Variants in GALNT18 observed in about 807,000 individuals in gnomAD.
GALNT18 encodes GalNAc-transferase 18.
Under a neutral mutation model 69.5 loss-of-function variants are expected in GALNT18, and 44 were observed. The observed-to-expected ratio is 0.63, with a 90% CI of 0.50 to 0.81. The LOEUF (loss-of-function observed/expected upper bound fraction) is 0.81. GALNT18 is among the 40% of genes least tolerant of loss of function. The probability of loss-of-function intolerance (pLI) is 0.00; values close to 1 mark genes in which losing one functional copy is unlikely to be tolerated. For synonymous variants in GALNT18, 364 were observed against 318.2 expected (o/e 1.14, Z -1.53); for missense variants, 715 against 810.0 (o/e 0.88, Z 1.42).
rs878934200 is a variant in GALNT18, at chr11:11,353,242, C to T, written c.1093-12238G>A. 69 of 1,250,370 alleles carry T rather than the reference C, an allele frequency of 5.5e-5. 2 individuals carry two copies. The South Asian group carries it at 6.3e-4, about 12-fold the overall frequency. 77.5% of individuals were successfully genotyped at this position (1,250,370 alleles called of 1,614,324 possible). On this transcript the variant is annotated intron_variant, in intron 6 of 10. Transcript: ENST00000227756. ...TGTTTTCTTCACACTGTGGTGGAAGCGGCAGCGGCTGTGGCCGCTCTCCCT... is the reference window on the plus strand; with the variant it reads ...TGTTTTCTTCACACTGTGGTGGAAGTGGCAGCGGCTGTGGCCGCTCTCCCT...
chr11:11,374,091 C>T (rs1031799042), intron 5 of GALNT18, among the ~76,000 whole-genome samples: 2 of 152,176 alleles, frequency 1.3e-5, no homozygotes, highest in Non-Finnish European at 2.9e-5. Flanking sequence ...CAAATCACTG[C>T]ATTTTATTCT....
chr11:11,514,922 C>T (rs973019533), intron 1 of GALNT18, among the ~76,000 whole-genome samples: 1 of 152,100 alleles, frequency 6.6e-6, no homozygotes, highest in African/African-American at 2.4e-5. Flanking sequence ...AAAAGTGGAC[C>T]GAAACCAAGA....
Position 11,458,754 on chromosome 11 carries a change from C to T in GALNT18, c.236-9818G>A, listed in dbSNP as rs1013909142. Among the ~76,000 whole-genome samples, 10 of 152,234 alleles carry T rather than the reference C, an allele frequency of 6.6e-5. No homozygotes were observed. The South Asian group carries it at 1.0e-3, about 16-fold the overall frequency. ...GCCTTCAGCTTGCCATCTGCTGTGT[C>T]GCCTTCACGGCCTGTGGGCCTGACC... On this transcript the variant is annotated intron_variant, in intron 1 of 10. Coordinates refer to ENST00000227756, the MANE Select transcript of GALNT18 (RefSeq NM_198516.3).
rs565983505 is a variant in GALNT18 at position 11,426,487 on chromosome 11, A to G, written c.595+6134T>C. Among the ~76,000 whole-genome samples, 98 of 152,356 alleles carry G rather than the reference A, an allele frequency of 6.4e-4. 1 individual carries two copies. Among genetic ancestry groups the G allele is most frequent in the Non-Finnish European group, 1.3e-3 (87 of 68,036 alleles). On this transcript the variant is annotated intron_variant, in intron 3 of 10. Transcript: ENST00000227756. Reference sequence around the variant, plus strand: ...GTTTCAGGCCTTGCCCCAGATCTACAGATTCAAAATTCTTTCATTAAATCC... The same window carrying G: ...GTTTCAGGCCTTGCCCCAGATCTACGGATTCAAAATTCTTTCATTAAATCC...
Position 11,279,745 on chromosome 11 carries a change from C to G in GALNT18, c.1678-8455G>C, listed in dbSNP as rs1045487977. Among the ~76,000 whole-genome samples the G allele has an allele frequency of 4.6e-5, 7 of 152,088 alleles. No homozygotes were observed. In the South Asian group the frequency reaches 1.0e-3, roughly 23 times the overall value. On this transcript the variant is annotated intron_variant, in intron 10 of 10. Transcript: ENST00000227756. ...GGTGGTCAGCTCTGGGAAGAAGGGACTGGGAAGGTGATGGGCAGGAAATCA... is the reference window on the plus strand; with the variant it reads ...GGTGGTCAGCTCTGGGAAGAAGGGAGTGGGAAGGTGATGGGCAGGAAATCA...
intron 1 of GALNT18, among the ~76,000 whole-genome samples, chr11:11,512,040 T>C (rs563217932): frequency 6.6e-6 from 1 of 152,356 alleles, no homozygotes; most frequent in African/African-American, 2.4e-5. Context: ...CATGTATACA[T>C]ATACATACAC....
In GALNT18 at chr11:11,454,115, C is replaced by A. The variant is rs1855870101; in HGVS notation, c.236-5179G>T. Among the ~76,000 whole-genome samples the A allele has an allele frequency of 1.3e-5, 2 of 152,128 alleles. No homozygotes were observed. The highest frequency in any genetic ancestry group is 4.1e-4 in the South Asian group (2 of 4,830). ...GAAAACTCCCTGCCTACTAGAGATT[C>A]CCCAAATCTTTCAGAGGGAGTAGAA... On this transcript the variant is annotated intron_variant, in intron 1 of 10. Transcript: ENST00000227756. This position sits in a 1 kb window ranked among gnomAD's most constrained non-coding sequence, Gnocchi z 4.2.
At chr11:11,376,926 T>C (rs866239027) in intron 5 of GALNT18, among the ~76,000 whole-genome samples, 13 of 152,184 alleles carry the variant, frequency 8.5e-5, no homozygotes, top group African/African-American at 2.9e-4. Context: ...ATCCCCAACC[T>C]GGAGCACAGT....
rs1206038267 is a variant in GALNT18 at position 11,594,816 on chromosome 11, CATATATATAT to C, written c.235+26533_235+26542del. ...GATATGTGTTTTCAATTATCTTGGG[CATATATATAT>C]ATATATATATATATACACATATACA... On this transcript the variant is annotated intron_variant, in intron 1 of 10. Transcript: ENST00000227756. Among the ~76,000 whole-genome samples, 1,169 of 121,522 alleles carry C rather than the reference CATATATATAT, an allele frequency of 9.6e-3. 20 individuals carry two copies. Among genetic ancestry groups the C allele is most frequent in the African/African-American group, 0.033 (1,107 of 33,378 alleles). 79.7% of individuals were successfully genotyped at this position (121,522 alleles called of 152,430 possible).
rs539979836 is a variant in GALNT18 at position 11,487,362 on chromosome 11, GA to G, written c.236-38427del. 2.0e-5 allele frequency among the ~76,000 whole-genome samples: 3 copies of G among 152,030 alleles called. No individual in the cohort carries two copies. The South Asian group carries it at 6.2e-4, about 32-fold the overall frequency. On this transcript the variant is annotated intron_variant, in intron 1 of 10. Transcript: ENST00000227756. The stretch of plus-strand genomic sequence containing the variant: ...CAAAACCTCGCAAATCACTATTAAA[GA>G]ACTTACTCATGTAACCAAATACCAC...
intron 1 of GALNT18, among the ~76,000 whole-genome samples, chr11:11,599,658 CAT>C (rs1462220739): frequency 1.3e-5 from 2 of 151,338 alleles, no homozygotes; most frequent in African/African-American, 4.9e-5. Flanking sequence ...TTCTATATCT[CAT>C]ATATTTTTTG....
At chr11:11,325,494 C>G (rs920111986) in intron 9 of GALNT18, among the ~76,000 whole-genome samples, 2 of 151,846 alleles carry the variant, frequency 1.3e-5, no homozygotes, top group Non-Finnish European at 2.9e-5. Context: ...AACCAAAAAC[C>G]ACCTGAATCT....
At chr11:11,524,471 A>G (rs1029370262) in intron 1 of GALNT18, among the ~76,000 whole-genome samples, 1 of 152,198 alleles carries the variant, frequency 6.6e-6, no homozygotes, top group African/African-American at 2.4e-5. Context: ...GCTGTGATCA[A>G]TGGGATATGA....
rs185761070 is a variant in GALNT18 at position 11,610,413 on chromosome 11, G to T, written c.235+10946C>A. Among the ~76,000 whole-genome samples the T allele has an allele frequency of 1.2e-3, 188 of 152,286 alleles. 2 individuals are homozygous for T. The highest frequency in any genetic ancestry group is 4.4e-3 in the African/African-American group (181 of 41,558). On this transcript the variant is annotated intron_variant, in intron 1 of 10. Transcript: ENST00000227756. ...CACCATCCCACAGGCCTGCTTATGC[G>T]GTTAAGGTGAGGTGACAGGTGTAAA...
rs984912977 is a variant in GALNT18 at position 11,456,377 on chromosome 11, T to C, written c.236-7441A>G. Among the ~76,000 whole-genome samples the C allele has an allele frequency of 3.3e-5, 5 of 152,200 alleles. 1 individual carries two copies. Among genetic ancestry groups the C allele is most frequent in the Admixed American group, 3.3e-4 (5 of 15,276 alleles). On this transcript the variant is annotated intron_variant, in intron 1 of 10. Transcript: ENST00000227756. ...TGTCTGACTTGAGGACTGGAGATAC[T>C]TCAGTCCCCAGGAGGCTACTCACTT...
At chr11:11,385,889 C>A (rs528751720) in intron 3 of GALNT18, among the ~76,000 whole-genome samples, 1 of 152,008 alleles carries the variant, frequency 6.6e-6, no homozygotes, top group Non-Finnish European at 1.5e-5. Flanking sequence ...GGATCCTAAT[C>A]CAGTATGACT....
At chr11:11,365,465 A>C (rs1318109483) in intron 6 of GALNT18, among the ~76,000 whole-genome samples, 1 of 152,220 alleles carries the variant, frequency 6.6e-6, no homozygotes, top group East Asian at 1.9e-4. Flanking sequence ...ATACATGTAC[A>C]TGAGTCTTTA....
At position 11,538,253 on chromosome 11, in the gene GALNT18, C is replaced by T. The variant is rs796448202; in HGVS notation, c.235+83106G>A. Among the ~76,000 whole-genome samples, 11 of 152,288 alleles carry T rather than the reference C, an allele frequency of 7.2e-5. No homozygotes were observed. Among genetic ancestry groups the T allele is most frequent in the African/African-American group, 1.7e-4 (7 of 41,580 alleles). ...GGTTCTGAGCTCAAGGTCAGTGTTG[C>T]GAACAGCCCGCCCTGCCACCACCAT... On this transcript the variant is annotated intron_variant, in intron 1 of 10. Transcript: ENST00000227756. The surrounding 1 kb of genome is among the most constrained non-coding windows in gnomAD (Gnocchi z 5.2).
intron 3 of GALNT18, among the ~76,000 whole-genome samples, chr11:11,411,206 C>G (rs115227234): frequency 6.6e-6 from 1 of 152,066 alleles, no homozygotes; most frequent in Non-Finnish European, 1.5e-5. Context: ...CCCAGCTACT[C>G]GGGAGGTTAA....
Sources: gnomAD v4.1 joint callset for allele counts (sites outside exome capture counted in the v4.1 genomes callset) on GRCh38, gnomAD v4.1.1 for gene constraint, Gnocchi (gnomAD v3.1) non-coding constraint, MANE v1.5 for transcripts, NCBI Gene and HGNC (gene_info 2026-07-23, HGNC 2026-07-21) for gene names.